The following SH3GL2 variants were observed in gnomAD, a reference collection of about 807,000 sequenced individuals.
SH3GL2 encodes the protein endophilin-A1.
A neutral mutation model predicts 46.0 loss-of-function variants in SH3GL2; 24 were observed. That is an observed-to-expected ratio of 0.52 (90% CI 0.38 to 0.73). The LOEUF is 0.73. Ranked by LOEUF, SH3GL2 falls within the 30% of genes least tolerant of loss-of-function variation. The pLI is 0.00. For missense variants in SH3GL2, 413 were observed against 424.2 expected (o/e 0.97, Z 0.23); for synonymous variants, 196 against 147.1 (o/e 1.33, Z -2.40).
chr9:17,750,151 G>A (rs561644089), intron 2 of SH3GL2, among the ~76,000 whole-genome samples: 1 of 152,192 alleles, frequency 6.6e-6, no homozygotes, highest in Non-Finnish European at 1.5e-5. Flanking sequence ...CACTTGCTTT[G>A]GATTTAGACT....
chr9:17,728,605 T>C (rs1822086251), intron 1 of SH3GL2, among the ~76,000 whole-genome samples: 1 of 152,160 alleles, frequency 6.6e-6, no homozygotes, highest in Non-Finnish European at 1.5e-5. Flanking sequence ...TAGGTATTTC[T>C]CCTAATGCTA....
chr9:17,579,107 CCG>C lies in SH3GL2; in HGVS notation c.-132_-131del. On this transcript the variant is annotated 5_prime_UTR_variant, in exon 1 of 9. Coordinates refer to ENST00000380607, the MANE Select transcript of SH3GL2 (RefSeq NM_003026.5). ...GCAAGAGCCCGTGTCCCGCTAGGCT[CCG>C]CGCCCTCGCGCCCATAGCCCCGGCG... 1 of 527,740 alleles carries C rather than the reference CCG, an allele frequency of 1.9e-6. No individual in the cohort carries two copies. The highest frequency in any genetic ancestry group is 3.2e-6 in the Non-Finnish European group (1 of 314,242). The allele number at this position is 527,740 out of a possible 1,614,324, so 32.7% of individuals were successfully genotyped here. A position where few individuals can be genotyped will look rare whatever the true frequency, so the allele number is the denominator to read the frequency against.
At chr9:17,713,818 C>A (rs146169851) in intron 1 of SH3GL2, among the ~76,000 whole-genome samples, 1 of 151,540 alleles carries the variant, frequency 6.6e-6, no homozygotes, top group East Asian at 1.9e-4. Flanking sequence ...GTCTTGTATA[C>A]GTTTCATGTA....
In SH3GL2 at chr9:17,770,785, T is replaced by G. The variant is rs1823456302; in HGVS notation, c.187+9276T>G. Reference sequence around the variant, plus strand: ...GGGGGTAGTCTCTAGAACCTAAGGGTGGCCACTGGCCAACAGCCAGCGGGA... The same window carrying G: ...GGGGGTAGTCTCTAGAACCTAAGGGGGGCCACTGGCCAACAGCCAGCGGGA... On this transcript the variant is annotated intron_variant, in intron 3 of 8. Transcript: ENST00000380607. Among the ~76,000 whole-genome samples the G allele has an allele frequency of 2.0e-5, 3 of 151,980 alleles. No homozygotes were observed. In the South Asian group the frequency reaches 6.2e-4, roughly 32 times the overall value.
At chr9:17,603,242 C>T (rs1818701477) in intron 1 of SH3GL2, among the ~76,000 whole-genome samples, 1 of 152,154 alleles carries the variant, frequency 6.6e-6, no homozygotes, top group Non-Finnish European at 1.5e-5. Context: ...TTCCTTGCAG[C>T]ATTATTGACC....
At chr9:17,757,323 C>T (rs1019828948) in intron 2 of SH3GL2, among the ~76,000 whole-genome samples, 12 of 152,172 alleles carry the variant, frequency 7.9e-5, no homozygotes, top group Non-Finnish European at 1.5e-5. Context: ...TCTAATTAAA[C>T]TAAAGAGCTT....
intron 1 of SH3GL2, among the ~76,000 whole-genome samples, chr9:17,670,965 T>C (rs1820460014): frequency 6.6e-6 from 1 of 152,204 alleles, no homozygotes; most frequent in South Asian, 2.1e-4. Flanking sequence ...CACCAGGTGA[T>C]GCTGAGGCTG....
chr9:17,738,573 TATAGAGAGAG>T (rs1327090074), intron 1 of SH3GL2, among the ~76,000 whole-genome samples: 70 of 47,350 alleles, frequency 1.5e-3, no homozygotes, highest in South Asian at 2.7e-3. Flanking sequence ...TACATATATA[TATAGAGAGAG>T]AGAGAGAGAG....
chr9:17,624,718 T>C (rs758215454), intron 1 of SH3GL2, among the ~76,000 whole-genome samples: 4 of 152,202 alleles, frequency 2.6e-5, no homozygotes, highest in African/African-American at 4.8e-5. Flanking sequence ...GGCATAACAA[T>C]GTGATCAGGC....
intron 3 of SH3GL2, among the ~76,000 whole-genome samples, chr9:17,784,901 A>G (rs1823910854): frequency 6.6e-6 from 1 of 152,130 alleles, no homozygotes; most frequent in Admixed American, 6.5e-5. Context: ...TTCTGTAGAA[A>G]TGGGGTCTTG....
At chr9:17,700,118 T>C (rs1006394471) in intron 1 of SH3GL2, among the ~76,000 whole-genome samples, 4 of 148,580 alleles carry the variant, frequency 2.7e-5, no homozygotes, top group Admixed American at 2.6e-4. Flanking sequence ...CATGGCAACA[T>C]TATCTCTAGA....
intron 1 of SH3GL2, among the ~76,000 whole-genome samples, chr9:17,657,998 A>G (rs1447655129): frequency 6.6e-6 from 1 of 152,200 alleles, no homozygotes; most frequent in Non-Finnish European, 1.5e-5. Context: ...GTTGTTGTAG[A>G]TGAGCATCCA....
rs373705116 is a variant in SH3GL2, at chr9:17,795,777, C to T, written c.*34C>T. On this transcript the variant is annotated 3_prime_UTR_variant, in exon 9 of 9. Transcript: ENST00000380607. ...GCTGGCTGGCTCGCCTCCTCTTGAC[C>T]CAGATAGTTACGGTTAACCACTGCT... 1 of 1,553,362 alleles carries T rather than the reference C, an allele frequency of 6.4e-7. No individual in the cohort carries two copies. The highest frequency in any genetic ancestry group is 1.8e-4 in the Middle Eastern group (1 of 5,658).
At chr9:17,658,783 G>A (rs970216432) in intron 1 of SH3GL2, among the ~76,000 whole-genome samples, 1 of 152,122 alleles carries the variant, frequency 6.6e-6, no homozygotes, top group Non-Finnish European at 1.5e-5. Flanking sequence ...AAAAGCTGTT[G>A]GAAATTAGTG....
At chr9:17,686,754 A>G (rs898421381) in intron 1 of SH3GL2, among the ~76,000 whole-genome samples, 1 of 137,398 alleles carries the variant, frequency 7.3e-6, no homozygotes, top group African/African-American at 2.7e-5. Flanking sequence ...TCACATGGAC[A>G]CAGGAAGGGG....
At chr9:17,643,757 A>C (rs1215590107) in intron 1 of SH3GL2, among the ~76,000 whole-genome samples, 1 of 152,038 alleles carries the variant, frequency 6.6e-6, no homozygotes, top group Non-Finnish European at 1.5e-5. Flanking sequence ...GAGCATTTTC[A>C]CATTGGTGTT....
At chr9:17,698,253 A>G (rs1172646195) in intron 1 of SH3GL2, among the ~76,000 whole-genome samples, 1 of 152,198 alleles carries the variant, frequency 6.6e-6, no homozygotes, top group Non-Finnish European at 1.5e-5. Context: ...TACCTTGTCT[A>G]AAACAAGGCA....
intron 1 of SH3GL2, among the ~76,000 whole-genome samples, chr9:17,600,283 T>C (rs1331665816): frequency 6.6e-6 from 1 of 152,222 alleles, no homozygotes. Flanking sequence ...TGTTTGATTA[T>C]TAATTAAATG....
chr9:17,706,751 C>T (rs549006349), intron 1 of SH3GL2, among the ~76,000 whole-genome samples: 1 of 152,040 alleles, frequency 6.6e-6, no homozygotes, highest in South Asian at 2.1e-4. Flanking sequence ...TTTGGATCTT[C>T]CTTGCAGGTC....
Sources: allele counts gnomAD v4.1 joint callset (sites outside exome capture counted in the v4.1 genomes callset), GRCh38; gene constraint gnomAD v4.1.1; transcripts MANE v1.5; gene names NCBI Gene and HGNC (gene_info 2026-07-23, HGNC 2026-07-21).